The following CLEC1B variants were observed in gnomAD, a reference collection of about 807,000 sequenced individuals.
CLEC1B encodes C-type lectin-like receptor 2.
A neutral mutation model predicts 26.7 loss-of-function variants in CLEC1B; 26 were observed. The ratio of observed to expected loss-of-function variants is 0.97; its 90% CI spans 0.71 to 1.35. The LOEUF (loss-of-function observed/expected upper bound fraction) is 1.35. Among genes scored for constraint, CLEC1B ranks in the 40% most tolerant of loss-of-function variants. The probability of loss-of-function intolerance (pLI) is 0.00; values close to 1 mark genes in which losing one functional copy is unlikely to be tolerated. For missense variants in CLEC1B, 293 were observed against 282.6 expected, an observed-to-expected ratio of 1.04 and a Z score of -0.26; for synonymous variants, 112 against 96.0, an observed-to-expected ratio of 1.17 and a Z score of -0.97.
intron 1 of CLEC1B, 147 bp downstream of exon 1, chr12:9,998,889 GA>G: frequency 1.9e-6 from 1 of 537,964 alleles, no homozygotes; most frequent in South Asian, 3.1e-5. Context: ...ATGAGCTTAT[GA>G]AAACACTACT....
upstream of CLEC1B, among the ~76,000 whole-genome samples, chr12:9,999,570 T>C (rs2137248284): frequency 6.6e-6 from 1 of 152,312 alleles, no homozygotes; most frequent in South Asian, 2.1e-4. Context: ...TGTAATATAA[T>C]TGGATCTGAT....
At position 9,997,266 on chromosome 12, in the gene CLEC1B, G is replaced by A. The variant is rs1865077967; in HGVS notation, c.177C>T (p.Arg59=). ...TTTCATTCTCACCTTGTAGGTAATT[G>A]CGCTGCATGACAGCTAGGTTTAAAA... is the stretch of plus-strand genomic sequence containing the variant. ...VALGIWSVMQ[R]NYLQGENENR... is the part of the protein sequence containing the mutation. The change falls in exon 3 of 6, where the codon CGC becomes CGT. Residue 59 remains arginine, a synonymous_variant. Transcript: ENST00000298527. 3.7e-6 allele frequency: 6 copies of A among 1,611,530 alleles called. No homozygotes were observed. Among genetic ancestry groups the A allele is most frequent in the Non-Finnish European group, 5.1e-6 (6 of 1,178,214 alleles).
Position 9,993,083 on chromosome 12 carries a change from T to A in CLEC1B, c.*60A>T. The stretch of plus-strand genomic sequence containing the variant: ...CAATTTTCAGCTACTGATGCATTCA[T>A]ACATATCTTTTATTGTACAATAAAG... On this transcript the variant is annotated 3_prime_UTR_variant, in exon 6 of 6. Transcript: ENST00000298527. The A allele has an allele frequency of 6.6e-7, 1 of 1,504,784 alleles. No individual in the cohort carries two copies. The highest frequency in any genetic ancestry group is 9.1e-7 in the Non-Finnish European group (1 of 1,102,408). 93.2% of individuals were successfully genotyped at this position (1,504,784 alleles called of 1,614,324 possible).
chr12:9,998,564 T>A (rs7980696), intron 1 of CLEC1B, among the ~76,000 whole-genome samples, 184 bp from the exon 2 acceptor site: 1 of 80,720 alleles, frequency 1.2e-5, no homozygotes, highest in East Asian at 2.9e-4. Flanking sequence ...CCCTATACCA[T>A]ACATCCATTC....
At chr12:10,001,658 C>G (rs996304486), upstream of CLEC1B, among the ~76,000 whole-genome samples, 1 of 152,174 alleles carries the variant, frequency 6.6e-6, no homozygotes, top group African/African-American at 2.4e-5. Context: ...AGTTGAGTTA[C>G]TCAGCAAAAA....
At chr12:9,997,414 T>C in intron 2 of CLEC1B, 135 bp from the exon 3 acceptor site, 1 of 748,172 alleles carries the variant, frequency 1.3e-6, no homozygotes, top group Non-Finnish European at 2.1e-6. Context: ...ATTAAATGAA[T>C]GTTGAAAAGT....
chr12:9,993,223 G>A lies in CLEC1B; in HGVS notation c.610C>T (p.His204Tyr), dbSNP rs1263631513. Residue 204 changes from histidine (H) to tyrosine (Y), a missense_variant, in exon 6 of 6, where the codon CAC becomes TAC. His to Tyr is a moderately conservative substitution (Grantham distance 83). Transcript: ENST00000298527. ...NCAYFHNGKM[H>Y]PTFCENKHYL... Reference sequence around the variant, plus strand: ...TGTTTGTTCTCACAGAAGGTAGGGTGCATTTTCCCATTATGAAAATAAGCA... The same window carrying A: ...TGTTTGTTCTCACAGAAGGTAGGGTACATTTTCCCATTATGAAAATAAGCA... 12 of 1,612,352 alleles carry A rather than the reference G, an allele frequency of 7.4e-6. No individual in the cohort carries two copies. Among genetic ancestry groups the A allele is most frequent in the Non-Finnish European group, 9.3e-6 (11 of 1,178,764 alleles).
Position 9,995,175 on chromosome 12 carries a change from C to G in CLEC1B, c.510G>C (p.Trp170Cys). The change falls in exon 5 of 6, where the codon TGG becomes TGC. Residue 170 changes from tryptophan (W) to cysteine (C), a missense_variant. Trp to Cys is a radical substitution (Grantham distance 215, BLOSUM62 -2). Transcript: ENST00000298527. ...AGATAACCGAGCCATCCTCCCACTT[C>G]CAGACCTCATTCGACTTCTGGCGAG... Reference protein sequence around the residue: ...GLSRQKSNEVWKWEDGSVISE... With the variant: ...GLSRQKSNEVCKWEDGSVISE... 6.2e-7 allele frequency: 1 copy of G among 1,613,174 alleles called. No homozygotes were observed. The highest frequency in any genetic ancestry group is 1.1e-5 in the South Asian group (1 of 91,076).
chr12:9,993,850 A>G (rs1231915535), intron 5 of CLEC1B, among the ~76,000 whole-genome samples: 1 of 152,304 alleles, frequency 6.6e-6, no homozygotes, highest in East Asian at 1.9e-4. Context: ...CAAGGAATAT[A>G]TACTTATTGG....
At chr12:10,000,910 A>C (rs1865150753), upstream of CLEC1B, among the ~76,000 whole-genome samples, 1 of 152,342 alleles carries the variant, frequency 6.6e-6, no homozygotes, top group East Asian at 1.9e-4. Context: ...AAATATACAG[A>C]AACACTAAAA....
At chr12:9,994,221 G>A (rs1864972733) in intron 5 of CLEC1B, among the ~76,000 whole-genome samples, 1 of 151,972 alleles carries the variant, frequency 6.6e-6, no homozygotes. Flanking sequence ...CAAGACAAAA[G>A]CCTTAAGGTA....
At chr12:10,001,145 C>T (rs1865154218), upstream of CLEC1B, among the ~76,000 whole-genome samples, 1 of 152,066 alleles carries the variant, frequency 6.6e-6, no homozygotes. Flanking sequence ...TGTTTATTAA[C>T]AAAAACTTTA....
At chr12:9,999,676 T>C (rs1311076273), upstream of CLEC1B, among the ~76,000 whole-genome samples, 1 of 152,230 alleles carries the variant, frequency 6.6e-6, no homozygotes, top group Non-Finnish European at 1.5e-5. Flanking sequence ...TTTCATACTT[T>C]TTTTTATTTG....
rs184086895 is a variant in CLEC1B at position 9,993,805 on chromosome 12, A to G, written c.546-518T>C. On this transcript the variant is annotated intron_variant, in intron 5 of 5. Coordinates refer to ENST00000298527, the MANE Select transcript of CLEC1B (RefSeq NM_016509.4). Reference sequence around the variant, plus strand: ...GTATTGTAATTGTCTGTTAAGTTATATTTCTTTCTTTCTAAACTGCTTATA... The same window carrying G: ...GTATTGTAATTGTCTGTTAAGTTATGTTTCTTTCTTTCTAAACTGCTTATA... 5.3e-4 allele frequency among the ~76,000 whole-genome samples: 80 copies of G among 152,242 alleles called. 1 individual carries two copies. The highest frequency in any genetic ancestry group is 1.9e-3 in the African/African-American group (79 of 41,576).
At chr12:9,993,786 TA>T (rs1233936791) in intron 5 of CLEC1B, among the ~76,000 whole-genome samples, 2 of 152,158 alleles carry the variant, frequency 1.3e-5, no homozygotes, top group Non-Finnish European at 2.9e-5. Flanking sequence ...GGCTGTATTG[TA>T]ATTGTCTGTT....
At chr12:9,996,395 C>T (rs1391571430) in intron 4 of CLEC1B, among the ~76,000 whole-genome samples, 3 of 152,080 alleles carry the variant, frequency 2.0e-5, no homozygotes, top group Admixed American at 6.6e-5. Flanking sequence ...ATATATGTCT[C>T]GAATTAATCT....
intron 4 of CLEC1B, 176 bp from the exon 5 acceptor site, chr12:9,995,422 A>C (rs1865017715): frequency 6.6e-6 from 4 of 605,316 alleles, no homozygotes; most frequent in South Asian, 6.5e-5. Flanking sequence ...CTGAGAACTT[A>C]AAAAAAACTT....
chr12:9,996,691 T>A, intron 4 of CLEC1B, 155 bp downstream of exon 4: 1 of 773,040 alleles, frequency 1.3e-6, no homozygotes, highest in Non-Finnish European at 2.3e-6. Context: ...ATTGAATATC[T>A]GGGTTCTGTA....
intron 4 of CLEC1B, chr12:9,995,463 A>G (rs1303035510): frequency 2.0e-6 from 1 of 490,656 alleles, no homozygotes; most frequent in Non-Finnish European, 3.8e-6. Context: ...TACACAAAAT[A>G]GCTGATATTC....
Sources: allele counts gnomAD v4.1 joint callset (sites outside exome capture counted in the v4.1 genomes callset), GRCh38; gene constraint gnomAD v4.1.1; transcripts MANE v1.5; gene names NCBI Gene and HGNC (gene_info 2026-07-23, HGNC 2026-07-21).